The following RPS6KA5 variants were observed in gnomAD, a reference collection of about 807,000 sequenced individuals.
The protein encoded by RPS6KA5 is ribosomal protein S6 kinase alpha-5.
RPS6KA5 carries 27 observed loss-of-function variants against 85.5 expected under a neutral mutation model. The observed-to-expected ratio is 0.32, with a 90% CI of 0.23 to 0.44. The LOEUF is 0.44. Ranked by LOEUF, RPS6KA5 falls within the 20% of genes least tolerant of loss-of-function variation. RPS6KA5 has a pLI of 1.00. For missense variants in RPS6KA5, 811 were observed against 980.9 expected, an observed-to-expected ratio of 0.83 and a Z score of 2.31; for synonymous variants, 334 against 348.2, an observed-to-expected ratio of 0.96 and a Z score of 0.46.
chr14:91,052,684 T>C (rs557936867), intron 1 of RPS6KA5, among the ~76,000 whole-genome samples: 1 of 149,488 alleles, frequency 6.7e-6, no homozygotes, highest in South Asian at 2.1e-4. Flanking sequence ...AAAAAAAAAG[T>C]TAGCTGGGCG....
rs374824204 is a variant in RPS6KA5 at position 90,870,210 on chromosome 14, A to G, written c.*1864T>C. ...GCCAAATATGTTCCCAATATGTCCA[A>G]TATAATTATAAATATGGTCATTTTC... On this transcript the variant is annotated 3_prime_UTR_variant, in exon 17 of 17. Transcript: ENST00000614987. 62 of 152,338 alleles carry G rather than the reference A, an allele frequency of 4.1e-4. No homozygotes were observed. The highest frequency in any genetic ancestry group is 1.4e-3 in the African/African-American group (58 of 41,584). The allele number at this position is 152,338 out of a possible 1,614,324, so 9.4% of individuals were successfully genotyped here.
chr14:90,984,873 A>G (rs2039990491), intron 2 of RPS6KA5, among the ~76,000 whole-genome samples: 1 of 152,222 alleles, frequency 6.6e-6, no homozygotes, highest in African/African-American at 2.4e-5. Flanking sequence ...AGTCTTCTTG[A>G]GCATAAACTT....
At chr14:90,930,422 G>C (rs1595247429) in intron 5 of RPS6KA5, among the ~76,000 whole-genome samples, 1 of 152,138 alleles carries the variant, frequency 6.6e-6, no homozygotes, top group East Asian at 1.9e-4. Context: ...GTAAGACCTA[G>C]AACTGTAAAA....
chr14:91,059,177 C>CA (rs1555385938), intron 1 of RPS6KA5, among the ~76,000 whole-genome samples: 3 of 147,116 alleles, frequency 2.0e-5, no homozygotes, highest in Admixed American at 6.8e-5. Context: ...CCCGCCCCCA[C>CA]AAAAAATACA....
intron 1 of RPS6KA5, among the ~76,000 whole-genome samples, chr14:91,001,633 G>A (rs138503407): frequency 1.3e-3 from 200 of 152,088 alleles, no homozygotes; most frequent in African/African-American, 4.6e-3. Flanking sequence ...GTATGCATTC[G>A]TCACTTCAAT....
At chr14:91,019,344 T>G (rs113062032) in intron 1 of RPS6KA5, among the ~76,000 whole-genome samples, 3 of 152,110 alleles carry the variant, frequency 2.0e-5, no homozygotes, top group Admixed American at 6.5e-5. Flanking sequence ...GTGAGTGTCA[T>G]CCAATCAGTT....
rs561518144 is a variant in RPS6KA5 at position 90,930,210 on chromosome 14, C to T, written c.619-7014G>A. 4.6e-5 allele frequency among the ~76,000 whole-genome samples: 7 copies of T among 152,166 alleles called. No individual in the cohort carries two copies. In the South Asian group the frequency reaches 6.2e-4, roughly 14 times the overall value. On this transcript the variant is annotated intron_variant, in intron 5 of 16. Transcript: ENST00000614987. ...AAGATATTTTGGTTCTGATACAGAG[C>T]GAGGCAAACAGACAAATGGAATTCA... is the stretch of plus-strand genomic sequence containing the variant.
chr14:90,941,706 T>C (rs1461082934), intron 5 of RPS6KA5, among the ~76,000 whole-genome samples: 2 of 152,220 alleles, frequency 1.3e-5, no homozygotes, highest in East Asian at 1.9e-4. Flanking sequence ...TCTCCAGTTA[T>C]TGAACCTTTT....
At chr14:90,909,743 T>C (rs1412566194) in intron 7 of RPS6KA5, among the ~76,000 whole-genome samples, 2 of 152,164 alleles carry the variant, frequency 1.3e-5, no homozygotes, top group Non-Finnish European at 2.9e-5. Flanking sequence ...CAAGTGAACA[T>C]AGATGACACA....
At chr14:90,892,148 G>A (rs532133051) in intron 13 of RPS6KA5, among the ~76,000 whole-genome samples, 11 of 151,980 alleles carry the variant, frequency 7.2e-5, no homozygotes, top group East Asian at 3.9e-4. Context: ...ACAGGTGCCC[G>A]CCACCATGCC....
At chr14:91,047,647 C>G (rs969046823) in intron 1 of RPS6KA5, among the ~76,000 whole-genome samples, 3 of 152,206 alleles carry the variant, frequency 2.0e-5, no homozygotes, top group Admixed American at 2.0e-4. Flanking sequence ...TTTCCTGTAA[C>G]TGCGGTAGAA....
intron 3 of RPS6KA5, among the ~76,000 whole-genome samples, chr14:90,956,720 T>C (rs912236729): frequency 5.3e-5 from 8 of 151,886 alleles, no homozygotes; most frequent in African/African-American, 1.9e-4. Context: ...TGCCATACAA[T>C]ATTAACTTAT....
intron 3 of RPS6KA5, among the ~76,000 whole-genome samples, chr14:90,967,621 A>G (rs1190576526): frequency 6.6e-6 from 1 of 152,228 alleles, no homozygotes; most frequent in Non-Finnish European, 1.5e-5. Context: ...ATTAAGCTAA[A>G]GAGAGATTTT....
intron 2 of RPS6KA5, among the ~76,000 whole-genome samples, chr14:90,995,339 C>T (rs1055961785): frequency 2.6e-5 from 4 of 152,066 alleles, no homozygotes; most frequent in African/African-American, 9.7e-5. Flanking sequence ...AGTTGCAAAC[C>T]TGTATGATGT....
rs2032992488 is a variant in RPS6KA5, at chr14:90,869,934, C to T, written c.*2140G>A. The T allele has an allele frequency of 6.6e-6, 1 of 152,336 alleles. No individual in the cohort carries two copies. The highest frequency in any genetic ancestry group is 2.1e-4 in the South Asian group (1 of 4,830). The allele number at this position is 152,336 out of a possible 1,614,324, so 9.4% of individuals were successfully genotyped here. A position where few individuals can be genotyped will look rare whatever the true frequency, so the allele number is the denominator to read the frequency against. On this transcript the variant is annotated 3_prime_UTR_variant, in exon 17 of 17. Transcript: ENST00000614987. ...GACAGCTAGCCTATCTTTCCTTCTT[C>T]CTGTTAGTCTGACTGCCTTTTTACC...
Position 90,875,346 on chromosome 14 carries a change from T to A in RPS6KA5, c.1851A>T (p.Ser617=). The A allele has an allele frequency of 6.2e-7, 1 of 1,613,416 alleles. No homozygotes were observed. Among genetic ancestry groups the A allele is most frequent in the Non-Finnish European group, 8.5e-7 (1 of 1,179,644 alleles). Residue 617 remains serine (S), a synonymous_variant, in exon 15 of 17, where the codon TCA becomes TCT. Coordinates refer to ENST00000614987, the MANE Select transcript of RPS6KA5 (RefSeq NM_004755.4). ...SLGVILYTML[S]GQVPFQSHDR... ...CATGAGATTGGAAGGGAACCTGTCC[T>A]GACAACATTGTGTACTATCAGGGAA...
At chr14:90,919,573 C>T (rs952329613) in intron 7 of RPS6KA5, among the ~76,000 whole-genome samples, 2 of 152,020 alleles carry the variant, frequency 1.3e-5, no homozygotes, top group African/African-American at 4.8e-5. Flanking sequence ...CCCATTTTAT[C>T]CCTCAAATAT....
At chr14:90,983,345 A>G (rs2039889676) in intron 2 of RPS6KA5, among the ~76,000 whole-genome samples, 1 of 152,010 alleles carries the variant, frequency 6.6e-6, no homozygotes, top group Non-Finnish European at 1.5e-5. Context: ...TCATGTTAAA[A>G]TCTCAGAAAT....
At chr14:90,923,021 GC>G (rs1595224402) in intron 6 of RPS6KA5, 91 bp downstream of exon 6, 2 of 861,050 alleles carry the variant, frequency 2.3e-6, no homozygotes, top group Non-Finnish European at 3.7e-6. Flanking sequence ...CAGAAAGACG[GC>G]TCTGTTGAAG....
Sources: allele counts gnomAD v4.1 joint callset (sites outside exome capture counted in the v4.1 genomes callset), GRCh38; gene constraint gnomAD v4.1.1; transcripts MANE v1.5; gene names NCBI Gene and HGNC (gene_info 2026-07-23, HGNC 2026-07-21).